APOL6: variants seen among roughly 807,000 people sequenced by gnomAD.
The protein encoded by APOL6 is apolipoprotein L, 6.
In APOL6, 1 loss-of-function variant was observed where a neutral mutation model predicts 2.4. That is an observed-to-expected ratio of 0.41 (90% CI 0.15 to 1.94). APOL6 has a LOEUF of 1.94. Ranked by LOEUF, APOL6 falls within the 30% of genes most tolerant of loss-of-function variation. The pLI is 0.30. For synonymous variants in APOL6, 189 were observed against 169.3 expected, an observed-to-expected ratio of 1.12 and a Z score of -0.90; for missense variants, 438 against 429.2, an observed-to-expected ratio of 1.02 and a Z score of -0.18.
At position 35,658,753 on chromosome 22, in the gene APOL6, C is replaced by T. The variant is rs377013101; in HGVS notation, c.189C>T (p.Leu63=). Residue 63 remains leucine, a synonymous_variant, in exon 3 of 3, where the codon CTC becomes CTT. Coordinates refer to ENST00000409652, the MANE Select transcript of APOL6 (RefSeq NM_030641.4). Reference sequence around the variant, plus strand: ...GGAACATTGACAAGCTCCGTGCCCTCGCAGACGATATTGACAAAACCCACA... The same window carrying T: ...GGAACATTGACAAGCTCCGTGCCCTTGCAGACGATATTGACAAAACCCACA... ...LKGNIDKLRA[L]ADDIDKTHKK... 18 of 1,614,074 alleles carry T rather than the reference C, an allele frequency of 1.1e-5. No individual in the cohort carries two copies. The highest frequency in any genetic ancestry group is 8.8e-5 in the South Asian group (8 of 91,094).
In APOL6 at chr22:35,665,059, G is replaced by A. The variant is rs1160699687; in HGVS notation, c.*5463G>A. ...GTTCAGGACAAACCAGAAAGTCCAA[G>A]CATGTCATGAACATTGGTGTAAGTC... On this transcript the variant is annotated 3_prime_UTR_variant, in exon 3 of 3. Coordinates refer to ENST00000409652, the MANE Select transcript of APOL6 (RefSeq NM_030641.4). The A allele has an allele frequency of 6.6e-6, 1 of 151,720 alleles. No homozygotes were observed. Among genetic ancestry groups the A allele is most frequent in the Non-Finnish European group, 1.5e-5 (1 of 67,972 alleles). 9.4% of individuals were successfully genotyped at this position (151,720 alleles called of 1,614,324 possible).
At chr22:35,654,687 C>T (rs1405494749) in intron 1 of APOL6, among the ~76,000 whole-genome samples, 2 of 151,768 alleles carry the variant, frequency 1.3e-5, no homozygotes, top group African/African-American at 4.8e-5. Flanking sequence ...TACAAAGGGG[C>T]CTTGTAAATT....
In APOL6 at chr22:35,664,201, G is replaced by C. The variant is rs917959154; in HGVS notation, c.*4605G>C. 2 of 152,110 alleles carry C rather than the reference G, an allele frequency of 1.3e-5. No homozygotes were observed. Among genetic ancestry groups the C allele is most frequent in the Non-Finnish European group, 2.9e-5 (2 of 68,014 alleles). The allele number at this position is 152,110 out of a possible 1,614,324, so 9.4% of individuals were successfully genotyped here. On this transcript the variant is annotated 3_prime_UTR_variant, in exon 3 of 3. Transcript: ENST00000409652. ...ACTTATCCCTGCCAAATACCAGAAG[G>C]TGTCAAAATTTGGCATAGGGGTTAT...
chr22:35,664,752 AATAAAT>A lies in APOL6; in HGVS notation c.*5160_*5165del, dbSNP rs1295176549. On this transcript the variant is annotated 3_prime_UTR_variant, in exon 3 of 3. Transcript: ENST00000409652. ...ATAATTTATTATTTGGGTATTTTCC[AATAAAT>A]ATATCTTGTAGGAAAACATTGTTGC... 5 of 152,104 alleles carry A rather than the reference AATAAAT, an allele frequency of 3.3e-5. No individual in the cohort carries two copies. Among genetic ancestry groups the A allele is most frequent in the African/African-American group, 1.2e-4 (5 of 41,456 alleles). 9.4% of individuals were successfully genotyped at this position (152,104 alleles called of 1,614,324 possible). A position where few individuals can be genotyped will look rare whatever the true frequency, so the allele number is the denominator to read the frequency against.
chr22:35,656,632 C>A (rs1299981792), intron 2 of APOL6, among the ~76,000 whole-genome samples, 157 bp downstream of exon 2: 1 of 152,046 alleles, frequency 6.6e-6, no homozygotes, highest in Non-Finnish European at 1.5e-5. Flanking sequence ...AATCTGTTCC[C>A]CTAGGGAAAA....
rs546514713 is a variant in APOL6 at position 35,655,761 on chromosome 22, C to T, written c.-47-618C>T. Reference sequence around the variant, plus strand: ...TTAACGAGAGAAAACCAAGCAGAAGCGTATTAACATGTCTATTTCATATGG... The same window carrying T: ...TTAACGAGAGAAAACCAAGCAGAAGTGTATTAACATGTCTATTTCATATGG... On this transcript the variant is annotated intron_variant, in intron 1 of 2. Coordinates refer to ENST00000409652, the MANE Select transcript of APOL6 (RefSeq NM_030641.4). Among the ~76,000 whole-genome samples, 19 of 151,776 alleles carry T rather than the reference C, an allele frequency of 1.3e-4. No homozygotes were observed. In the East Asian group the frequency reaches 1.6e-3, roughly 12 times the overall value.
At position 35,666,006 on chromosome 22, in the gene APOL6, T is replaced by A. The variant is rs972024299; in HGVS notation, c.*6410T>A. On this transcript the variant is annotated 3_prime_UTR_variant, in exon 3 of 3. Transcript: ENST00000409652. Reference sequence around the variant, plus strand: ...TGGTATAAAAATTATATAGGAAGCATTGTCAAATGTGAAATGGTGTTTGGT... The same window carrying A: ...TGGTATAAAAATTATATAGGAAGCAATGTCAAATGTGAAATGGTGTTTGGT... The A allele has an allele frequency of 6.6e-6, 1 of 152,214 alleles. No individual in the cohort carries two copies. Among genetic ancestry groups the A allele is most frequent in the Non-Finnish European group, 1.5e-5 (1 of 68,040 alleles). 9.4% of individuals were successfully genotyped at this position (152,214 alleles called of 1,614,324 possible). A position where few individuals can be genotyped will look rare whatever the true frequency, so the allele number is the denominator to read the frequency against.
rs916264756 is a variant in APOL6 at position 35,662,761 on chromosome 22, G to A, written c.*3165G>A. The A allele has an allele frequency of 6.6e-6, 1 of 152,204 alleles. No individual in the cohort carries two copies. Among genetic ancestry groups the A allele is most frequent in the Non-Finnish European group, 1.5e-5 (1 of 68,058 alleles). The allele number at this position is 152,204 out of a possible 1,614,324, so 9.4% of individuals were successfully genotyped here. A position where few individuals can be genotyped will look rare whatever the true frequency, so the allele number is the denominator to read the frequency against. On this transcript the variant is annotated 3_prime_UTR_variant, in exon 3 of 3. Transcript: ENST00000409652. Reference sequence around the variant, plus strand: ...GTTCACATTTTGGAAACCATGAATGGATTCTGGGTGGAGATGCCCCTGACC... The same window carrying A: ...GTTCACATTTTGGAAACCATGAATGAATTCTGGGTGGAGATGCCCCTGACC...
Position 35,663,677 on chromosome 22 carries a change from C to T in APOL6, c.*4081C>T, listed in dbSNP as rs1925094209. 1 of 151,954 alleles carries T rather than the reference C, an allele frequency of 6.6e-6. No homozygotes were observed. The highest frequency in any genetic ancestry group is 6.6e-5 in the Admixed American group (1 of 15,250). 9.4% of individuals were successfully genotyped at this position (151,954 alleles called of 1,614,324 possible). Reference sequence around the variant, plus strand: ...GCTCAAAGAAAAATAAAAGCATCTCCCTCTAACACCACCAGACTTTTCCTC... The same window carrying T: ...GCTCAAAGAAAAATAAAAGCATCTCTCTCTAACACCACCAGACTTTTCCTC... On this transcript the variant is annotated 3_prime_UTR_variant, in exon 3 of 3. Transcript: ENST00000409652.
At position 35,660,401 on chromosome 22, in the gene APOL6, T is replaced by C; in HGVS notation, c.*805T>C. On this transcript the variant is annotated 3_prime_UTR_variant, in exon 3 of 3. Transcript: ENST00000409652. ...GAGCCCTCACCAGGAACTGAATAAG[T>C]CAGTCAGTCTGGGACTTCCAGCCTC... 1 of 152,246 alleles carries C rather than the reference T, an allele frequency of 6.6e-6. No individual in the cohort carries two copies. The highest frequency in any genetic ancestry group is 1.9e-4 in the East Asian group (1 of 5,202). 9.4% of individuals were successfully genotyped at this position (152,246 alleles called of 1,614,324 possible).
At chr22:35,654,415 G>A (rs868158820) in intron 1 of APOL6, among the ~76,000 whole-genome samples, 1 of 151,906 alleles carries the variant, frequency 6.6e-6, no homozygotes, top group South Asian at 2.1e-4. Context: ...GTGGCTAAAA[G>A]GGGTCGGTTA....
chr22:35,659,401 G>A lies in APOL6; in HGVS notation c.837G>A (p.Glu279=). The A allele has an allele frequency of 1.2e-6, 2 of 1,614,028 alleles. No individual in the cohort carries two copies. The highest frequency in any genetic ancestry group is 1.7e-6 in the Non-Finnish European group (2 of 1,180,010). The change falls in exon 3 of 3, where the codon GAG becomes GAA. Residue 279 remains glutamate, a synonymous_variant. Coordinates refer to ENST00000409652, the MANE Select transcript of APOL6 (RefSeq NM_030641.4). ...EELRAKALEL[E]RKLTELTQLY... ...TGAGAGCCAAGGCCTTGGAGCTGGA[G>A]AGGAAACTCACAGAACTCACCCAGC...
In APOL6 at chr22:35,661,171, A is replaced by G. The variant is rs1339014747; in HGVS notation, c.*1575A>G. On this transcript the variant is annotated 3_prime_UTR_variant, in exon 3 of 3. Transcript: ENST00000409652. ...TAGGAGTTTGAGAACAGCCTGGCCAACATGGCAAAACCCTGTCTCTACTAT... is the reference window on the plus strand; with the variant it reads ...TAGGAGTTTGAGAACAGCCTGGCCAGCATGGCAAAACCCTGTCTCTACTAT... 6.6e-6 allele frequency: 1 copy of G among 152,138 alleles called. No individual in the cohort carries two copies. Among genetic ancestry groups the G allele is most frequent in the Non-Finnish European group, 1.5e-5 (1 of 68,058 alleles). The allele number at this position is 152,138 out of a possible 1,614,324, so 9.4% of individuals were successfully genotyped here. A position where few individuals can be genotyped will look rare whatever the true frequency, so the allele number is the denominator to read the frequency against.
intron 1 of APOL6, among the ~76,000 whole-genome samples, chr22:35,651,262 G>A (rs1024281108): frequency 6.6e-6 from 1 of 152,148 alleles, no homozygotes; most frequent in South Asian, 2.1e-4. Flanking sequence ...CCAGTAGGGC[G>A]CACTTCTGCT....
rs140682432 is a variant in APOL6, at chr22:35,658,645, C to T, written c.81C>T (p.Asp27=). 7.9e-5 allele frequency: 127 copies of T among 1,613,374 alleles called. No homozygotes were observed. Among genetic ancestry groups the T allele is most frequent in the Non-Finnish European group, 1.0e-4 (119 of 1,179,710 alleles). ...RDEDDAPLCE[D]VELQDGDLSP... Reference sequence around the variant, plus strand: ...AGGATGACGCTCCTCTGTGTGAAGACGTGGAGCTACAAGACGGAGATCTGT... The same window carrying T: ...AGGATGACGCTCCTCTGTGTGAAGATGTGGAGCTACAAGACGGAGATCTGT... The change falls in exon 3 of 3, where the codon GAC becomes GAT. Residue 27 remains aspartate, a synonymous_variant. Transcript: ENST00000409652.
In APOL6 at chr22:35,661,122, T is replaced by G. The variant is rs981416983; in HGVS notation, c.*1526T>G. 18 of 151,918 alleles carry G rather than the reference T, an allele frequency of 1.2e-4. No individual in the cohort carries two copies. Among genetic ancestry groups the G allele is most frequent in the African/African-American group, 4.4e-4 (18 of 41,350 alleles). The allele number at this position is 151,918 out of a possible 1,614,324, so 9.4% of individuals were successfully genotyped here. ...TTACACTGATAAAGTGTAATTACAC[T>G]AATAAAGCTGGATCACCTGAGGTTA... On this transcript the variant is annotated 3_prime_UTR_variant, in exon 3 of 3. Transcript: ENST00000409652.
intron 2 of APOL6, among the ~76,000 whole-genome samples, chr22:35,656,810 C>T (rs575628730): frequency 2.8e-4 from 43 of 152,198 alleles, no homozygotes; most frequent in Middle Eastern, 6.8e-3. Context: ...TCATATATCA[C>T]CAAGGAAGGA....
chr22:35,658,672 C>G lies in APOL6; in HGVS notation c.108C>G (p.Ser36=), dbSNP rs780484699. The G allele has an allele frequency of 6.2e-7, 1 of 1,613,924 alleles. No individual in the cohort carries two copies. Among genetic ancestry groups the G allele is most frequent in the Non-Finnish European group, 8.5e-7 (1 of 1,179,974 alleles). ...EDVELQDGDL[S]PEEKIFLREF... ...TGGAGCTACAAGACGGAGATCTGTC[C>G]CCCGAAGAAAAAATATTTTTGAGAG... Residue 36 remains serine, a synonymous_variant, in exon 3 of 3, where the codon TCC becomes TCG. Transcript: ENST00000409652.
At position 35,660,628 on chromosome 22, in the gene APOL6, A is replaced by C. The variant is rs937894703; in HGVS notation, c.*1032A>C. On this transcript the variant is annotated 3_prime_UTR_variant, in exon 3 of 3. Coordinates refer to ENST00000409652, the MANE Select transcript of APOL6 (RefSeq NM_030641.4). ...AACAGAGATGTATCCAGAGATCCAC[A>C]GTTCTGGAGGCTGAGAAGTCTAAAA... is the stretch of plus-strand genomic sequence containing the variant. 6.6e-6 allele frequency: 1 copy of C among 152,440 alleles called. No homozygotes were observed. The highest frequency in any genetic ancestry group is 2.4e-5 in the African/African-American group (1 of 41,472). 9.4% of individuals were successfully genotyped at this position (152,440 alleles called of 1,614,324 possible).
Sources: allele counts gnomAD v4.1 joint callset (sites outside exome capture counted in the v4.1 genomes callset), GRCh38; gene constraint gnomAD v4.1.1; transcripts MANE v1.5; gene names NCBI Gene and HGNC (gene_info 2026-07-23, HGNC 2026-07-21).